The following GLI3 variants were observed in gnomAD, a reference collection of about 807,000 sequenced individuals.
GLI3 encodes the protein transcription activator GLI3.
Under a neutral mutation model 100.8 loss-of-function variants are expected in GLI3, and 20 were observed. The ratio of observed to expected loss-of-function variants is 0.20; its 90% CI spans 0.14 to 0.29. GLI3 has a LOEUF of 0.29. Among genes scored for constraint, GLI3 ranks in the 10% least tolerant of loss-of-function variants. The pLI is 1.00. For missense variants in GLI3, 2,040 were observed against 2,128.5 expected, an observed-to-expected ratio of 0.96 and a Z score of 0.82; for synonymous variants, 938 against 860.5, an observed-to-expected ratio of 1.09 and a Z score of -1.58.
intron 1 of GLI3, among the ~76,000 whole-genome samples, chr7:42,262,441 G>A (rs1481381842): frequency 6.6e-6 from 1 of 152,014 alleles, no homozygotes; most frequent in African/African-American, 2.4e-5. Flanking sequence ...TTTAAATTTT[G>A]TAGAGATAGG....
At chr7:42,247,710 T>G (rs1788989938) in intron 1 of GLI3, among the ~76,000 whole-genome samples, 1 of 152,216 alleles carries the variant, frequency 6.6e-6, no homozygotes, top group Non-Finnish European at 1.5e-5. Context: ...GCAGTACCCT[T>G]CTACTGCACT....
intron 2 of GLI3, among the ~76,000 whole-genome samples, chr7:42,169,678 T>C (rs1787321372): frequency 6.6e-6 from 1 of 151,982 alleles, no homozygotes; most frequent in South Asian, 2.1e-4. Flanking sequence ...ACTGAAACAA[T>C]ATTTATAATA....
In GLI3 at chr7:41,975,608, A is replaced by G. The variant is rs560290088; in HGVS notation, c.1812+1950T>C. Among the ~76,000 whole-genome samples, 9 of 152,330 alleles carry G rather than the reference A, an allele frequency of 5.9e-5. No individual in the cohort carries two copies. The South Asian group carries it at 6.2e-4, about 11-fold the overall frequency. On this transcript the variant is annotated intron_variant, in intron 12 of 14. Coordinates refer to ENST00000395925, the MANE Select transcript of GLI3 (RefSeq NM_000168.6). ...CTACCCAAGATATCCTTATCTTTTA[A>G]TCTTATAACAAACACTCAACTCTCA...
chr7:42,238,431 G>T (rs987102131), upstream of GLI3, among the ~76,000 whole-genome samples: 1 of 152,196 alleles, frequency 6.6e-6, no homozygotes, highest in Non-Finnish European at 1.5e-5. Flanking sequence ...GCGGGATGAT[G>T]CCTTTGGAAG....
At chr7:42,234,481 ATAAT>A (rs1340310289) in intron 1 of GLI3, among the ~76,000 whole-genome samples, 15 of 152,342 alleles carry the variant, frequency 9.8e-5, no homozygotes, top group Admixed American at 7.8e-4. Flanking sequence ...CTTTCATTAA[ATAAT>A]TAATGAAATA....
Position 42,182,658 on chromosome 7 carries a change from A to ATATATATATATATACATGTG in GLI3, c.125-34191_125-34190insCACATGTATATATATATATA, listed in dbSNP as rs1554337017. On this transcript the variant is annotated intron_variant, in intron 2 of 14. Coordinates refer to ENST00000395925, the MANE Select transcript of GLI3 (RefSeq NM_000168.6). ...TATATGTGTGTGTATATATATATAT[A>ATATATATATATATACATGTG]TATATATATATATATATATATATAC... 6.8e-4 allele frequency among the ~76,000 whole-genome samples: 38 copies of ATATATATATATATACATGTG among 56,018 alleles called. 1 individual carries two copies. Among genetic ancestry groups the ATATATATATATATACATGTG allele is most frequent in the South Asian group, 4.4e-3 (7 of 1,598 alleles). The allele number at this position is 56,018 out of a possible 152,430, so 36.7% of individuals were successfully genotyped here.
intron 6 of GLI3, among the ~76,000 whole-genome samples, chr7:42,043,228 T>C (rs1784179637): frequency 6.6e-6 from 1 of 152,222 alleles, no homozygotes; most frequent in South Asian, 2.1e-4. Flanking sequence ...TGGGCAATCT[T>C]CTTATATTCT....
chr7:42,049,656 C>A (rs1239040892), intron 4 of GLI3, among the ~76,000 whole-genome samples: 1 of 152,232 alleles, frequency 6.6e-6, no homozygotes, highest in Non-Finnish European at 1.5e-5. Flanking sequence ...AAAATCCCCT[C>A]ACACCTGCTG....
intron 3 of GLI3, among the ~76,000 whole-genome samples, chr7:42,108,804 T>A (rs950439038): frequency 6.6e-6 from 1 of 152,132 alleles, no homozygotes; most frequent in African/African-American, 2.4e-5. Flanking sequence ...AACCATGGGA[T>A]TTCAGAGCTG....
chr7:42,232,117 C>T (rs574506901), intron 1 of GLI3, among the ~76,000 whole-genome samples: 29 of 151,914 alleles, frequency 1.9e-4, no homozygotes, highest in South Asian at 1.7e-3. Context: ...CCCTCCCCCA[C>T]CACCTAGCCC....
intron 3 of GLI3, among the ~76,000 whole-genome samples, chr7:42,091,973 C>T (rs1785229671): frequency 6.6e-6 from 1 of 152,248 alleles, no homozygotes; most frequent in African/African-American, 2.4e-5. Context: ...ATACCACCAG[C>T]ACTTGAGGGG....
rs940037177 is a variant in GLI3, at chr7:42,209,967, T to C, written c.124+13163A>G. Among the ~76,000 whole-genome samples the C allele has an allele frequency of 3.9e-5, 4 of 103,698 alleles. No homozygotes were observed. The Admixed American group carries it at 6.4e-4, about 17-fold the overall frequency. 68.0% of individuals were successfully genotyped at this position (103,698 alleles called of 152,430 possible). ...AGAGCCTCTGGCAAATGCTGGGTCA[T>C]ACATCTCTTTAAGAATCTGAAAAAA... On this transcript the variant is annotated intron_variant, in intron 2 of 14. Transcript: ENST00000395925.
intron 2 of GLI3, among the ~76,000 whole-genome samples, chr7:42,189,008 C>T (rs777947460): frequency 1.3e-5 from 2 of 152,036 alleles, no homozygotes; most frequent in African/African-American, 2.4e-5. Context: ...GGTGATAATG[C>T]GATGTCCATG....
chr7:42,184,227 G>C (rs750488776), intron 2 of GLI3, among the ~76,000 whole-genome samples: 1 of 152,068 alleles, frequency 6.6e-6, no homozygotes, highest in African/African-American at 2.4e-5. Flanking sequence ...CCTTCCCCTC[G>C]TCTCTGCTCT....
At chr7:42,092,847 T>C (rs992514294) in intron 3 of GLI3, among the ~76,000 whole-genome samples, 3 of 151,596 alleles carry the variant, frequency 2.0e-5, no homozygotes, top group Non-Finnish European at 4.4e-5. Context: ...GGAGTCTTGC[T>C]CTGTTGCCCA....
intron 7 of GLI3, among the ~76,000 whole-genome samples, chr7:42,028,164 G>A (rs924271616): frequency 8.5e-5 from 13 of 152,094 alleles, no homozygotes; most frequent in Non-Finnish European, 1.9e-4. Flanking sequence ...GTGTAACTAC[G>A]TTATTCTATT....
At chr7:42,203,149 T>A (rs145978464) in intron 2 of GLI3, among the ~76,000 whole-genome samples, 2 of 152,256 alleles carry the variant, frequency 1.3e-5, no homozygotes, top group Admixed American at 1.3e-4. Context: ...TTAAACATGA[T>A]GTTTGAAGTA....
intron 2 of GLI3, among the ~76,000 whole-genome samples, chr7:42,175,903 T>A (rs1480726493): frequency 6.6e-6 from 1 of 152,090 alleles, no homozygotes. Flanking sequence ...AAACCAAAGC[T>A]TATAGAAGGT....
chr7:42,084,930 T>TTTTTTTTTC (rs1785071558), intron 3 of GLI3, among the ~76,000 whole-genome samples: 1 of 104,122 alleles, frequency 9.6e-6, no homozygotes, highest in African/African-American at 4.1e-5. Context: ...TTTTTTTTTT[T>TTTTTTTTTC]AGATTGAGTC....
Sources: gnomAD v4.1 joint callset for allele counts (sites outside exome capture counted in the v4.1 genomes callset) on GRCh38, gnomAD v4.1.1 for gene constraint, MANE v1.5 for transcripts, NCBI Gene and HGNC (gene_info 2026-07-23, HGNC 2026-07-21) for gene names.